Variants in GNA11 observed in about 807,000 individuals in gnomAD.
GNA11 encodes G protein subunit alpha 11.
A neutral mutation model predicts 38.2 loss-of-function variants in GNA11; 8 were observed. That is an observed-to-expected ratio of 0.21 (90% CI 0.12 to 0.38). The LOEUF is 0.38. Ranked by LOEUF, GNA11 falls within the 10% of genes least tolerant of loss-of-function variation. The pLI is 1.00. For missense variants in GNA11, 268 were observed against 516.3 expected (o/e 0.52, Z 4.66); for synonymous variants, 211 against 221.4 (o/e 0.95, Z 0.42).
intron 3 of GNA11, among the ~76,000 whole-genome samples, chr19:3,114,144 C>G (rs1913848808): frequency 6.6e-6 from 1 of 152,190 alleles, no homozygotes; most frequent in African/African-American, 2.4e-5. Context: ...TGCCCGTCCT[C>G]TGTGTGTTCC....
chr19:3,113,322 C>A lies in GNA11; in HGVS notation c.322-8C>A, dbSNP rs769685481. 1 of 1,608,762 alleles carries A rather than the reference C, an allele frequency of 6.2e-7. No individual in the cohort carries two copies. The highest frequency in any genetic ancestry group is 8.5e-7 in the Non-Finnish European group (1 of 1,179,220). The stretch of plus-strand genomic sequence containing the variant: ...AGCTCTCGACGTCTCCCCTGCCCGC[C>A]CTCGCAGGCCAATGCGCTCCTGATC... On this transcript the variant is annotated splice_region_variant and splice_polypyrimidine_tract_variant and intron_variant, in intron 2 of 6. Transcript: ENST00000078429.
In GNA11 at chr19:3,113,934, G is replaced by C. The variant is rs927155910; in HGVS notation, c.476+450G>C. On this transcript the variant is annotated intron_variant, in intron 3 of 6. Transcript: ENST00000078429. ...CTGGCTGTGACCTTGACTGATGTCA[G>C]GGTTCTCCCAGTCTCTGGGCCTGGG... is the stretch of plus-strand genomic sequence containing the variant. Among the ~76,000 whole-genome samples the C allele has an allele frequency of 4.3e-4, 66 of 152,212 alleles. 2 individuals are homozygous for C. The highest frequency in any genetic ancestry group is 1.2e-3 in the South Asian group (6 of 4,832).
chr19:3,115,865 T>C (rs1637652), intron 4 of GNA11, among the ~76,000 whole-genome samples: 34,203 of 53,744 alleles, frequency 0.64, 9,971 homozygotes, highest in Admixed American at 0.67. Flanking sequence ...TCATAGGGAC[T>C]GAGGCTGTGA....
intron 1 of GNA11, among the ~76,000 whole-genome samples, chr19:3,109,473 G>C (rs1568281634): frequency 6.6e-6 from 1 of 152,218 alleles, no homozygotes. Flanking sequence ...AAGCATTGTG[G>C]GTATTAGCAA....
At chr19:3,097,364 C>T (rs947245774) in intron 1 of GNA11, among the ~76,000 whole-genome samples, 11 of 152,166 alleles carry the variant, frequency 7.2e-5, no homozygotes, top group African/African-American at 2.7e-4. Flanking sequence ...TCCCTCCTCC[C>T]CCATGGCTCC....
At chr19:3,109,527 T>C (rs1599301639) in intron 1 of GNA11, among the ~76,000 whole-genome samples, 1 of 152,166 alleles carries the variant, frequency 6.6e-6, no homozygotes, top group African/African-American at 2.4e-5. Context: ...AGGGATGTGC[T>C]CAGGGCCACC....
Position 3,123,806 on chromosome 19 carries a change from T to C in GNA11, c.*2627T>C, listed in dbSNP as rs1249019667. On this transcript the variant is annotated 3_prime_UTR_variant, in exon 7 of 7. Coordinates refer to ENST00000078429, the MANE Select transcript of GNA11 (RefSeq NM_002067.5). ...AAAAGAATATTCTATACAAGCTGTTTTTAAGCCTTTTACCATTTGAAATGC... is the reference window on the plus strand; with the variant it reads ...AAAAGAATATTCTATACAAGCTGTTCTTAAGCCTTTTACCATTTGAAATGC... 9 of 232,166 alleles carry C rather than the reference T, an allele frequency of 3.9e-5. No individual in the cohort carries two copies. In the East Asian group the frequency reaches 5.5e-4, roughly 14 times the overall value. The allele number at this position is 232,166 out of a possible 1,614,324, so 14.4% of individuals were successfully genotyped here.
chr19:3,111,262 C>T (rs535395952), intron 2 of GNA11, among the ~76,000 whole-genome samples: 5 of 152,246 alleles, frequency 3.3e-5, no homozygotes, highest in South Asian at 2.1e-4. Flanking sequence ...CAGCCATCAC[C>T]GCTGTCGGAT....
At chr19:3,100,356 C>G (rs990297149) in intron 1 of GNA11, among the ~76,000 whole-genome samples, 1 of 152,230 alleles carries the variant, frequency 6.6e-6, no homozygotes, top group Non-Finnish European at 1.5e-5. Flanking sequence ...GACCCCTGAC[C>G]CGTGTGTCTT....
rs564974027 is a variant in GNA11, at chr19:3,108,907, A to G, written c.137-1242A>G. Among the ~76,000 whole-genome samples, 126 of 152,234 alleles carry G rather than the reference A, an allele frequency of 8.3e-4. No homozygotes were observed. Among genetic ancestry groups the G allele is most frequent in the Non-Finnish European group, 1.6e-3 (110 of 68,022 alleles). On this transcript the variant is annotated intron_variant, in intron 1 of 6. Transcript: ENST00000078429. This position sits in a 1 kb window ranked among gnomAD's most constrained non-coding sequence, Gnocchi z 4.5. ...TGGTGGGAGGCCTCAGTTCCTCACCACGTGGGCCTCTCCGTGAAGCTGCTT... is the reference window on the plus strand; with the variant it reads ...TGGTGGGAGGCCTCAGTTCCTCACCGCGTGGGCCTCTCCGTGAAGCTGCTT...
intron 1 of GNA11, among the ~76,000 whole-genome samples, chr19:3,105,366 C>T (rs930067993): frequency 7.4e-6 from 1 of 134,256 alleles, no homozygotes; most frequent in Non-Finnish European, 1.5e-5. Context: ...GGAGGCTGGA[C>T]GTCCAAGATC....
intron 1 of GNA11, among the ~76,000 whole-genome samples, chr19:3,099,777 G>A (rs952107857): frequency 2.0e-5 from 3 of 152,170 alleles, no homozygotes; most frequent in South Asian, 2.1e-4. Flanking sequence ...GCAGTCTGCC[G>A]ACAGGCGCTT....
At position 3,108,556 on chromosome 19, in the gene GNA11, G is replaced by A. The variant is rs568452963; in HGVS notation, c.137-1593G>A. Among the ~76,000 whole-genome samples, 1 of 152,088 alleles carries A rather than the reference G, an allele frequency of 6.6e-6. No individual in the cohort carries two copies. The highest frequency in any genetic ancestry group is 2.1e-4 in the South Asian group (1 of 4,808). ...GTGGGCTGGGGGCATGCTGGGAGGG[G>A]GCGGTGACGCTTGAGTCTCTAGGGC... On this transcript the variant is annotated intron_variant, in intron 1 of 6. Transcript: ENST00000078429. The surrounding 1 kb of genome is among the most constrained non-coding windows in gnomAD (Gnocchi z 4.5).
At chr19:3,116,411 G>A (rs1913923194) in intron 4 of GNA11, among the ~76,000 whole-genome samples, 2 of 152,184 alleles carry the variant, frequency 1.3e-5, no homozygotes, top group African/African-American at 4.8e-5. Flanking sequence ...GAGGCTGAGG[G>A]GATCTGCCCA....
At chr19:3,100,813 T>TC in intron 1 of GNA11, among the ~76,000 whole-genome samples, 1 of 152,202 alleles carries the variant, frequency 6.6e-6, no homozygotes, top group Non-Finnish European at 1.5e-5. Flanking sequence ...GGGAAGGCTG[T>TC]CCCTCCCCCT....
chr19:3,109,682 G>A (rs1203157489), intron 1 of GNA11, among the ~76,000 whole-genome samples: 1 of 152,214 alleles, frequency 6.6e-6, no homozygotes, highest in Non-Finnish European at 1.5e-5. Flanking sequence ...AGCCCTTGGG[G>A]TGGTCTGTGC....
At chr19:3,115,408 T>C in intron 4 of GNA11, 1 of 243,536 alleles carries the variant, frequency 4.1e-6, no homozygotes, top group East Asian at 1.1e-4. Context: ...CTGTTTCGTC[T>C]TATTAAACAA....
intron 1 of GNA11, among the ~76,000 whole-genome samples, chr19:3,100,668 A>T (rs1038675694): frequency 1.3e-5 from 2 of 151,956 alleles, no homozygotes; most frequent in African/African-American, 4.8e-5. Flanking sequence ...TGGCTCTCAG[A>T]AGCTTCTTTC....
At chr19:3,114,398 C>T (rs558505292) in intron 3 of GNA11, among the ~76,000 whole-genome samples, 31 of 152,306 alleles carry the variant, frequency 2.0e-4, no homozygotes, top group African/African-American at 7.2e-4. Context: ...CGGAATCAAG[C>T]GTGGACTTCA....
Sources: allele counts gnomAD v4.1 joint callset (sites outside exome capture counted in the v4.1 genomes callset), GRCh38; gene constraint gnomAD v4.1.1; non-coding constraint Gnocchi (gnomAD v3.1); transcripts MANE v1.5; gene names NCBI Gene and HGNC (gene_info 2026-07-23, HGNC 2026-07-21).